DRC8: variants seen among roughly 807,000 people sequenced by gnomAD.
The protein encoded by DRC8 is dynein regulatory complex protein 8.
chr1:244,997,777 T>A, the DRC8 span, among the ~76,000 whole-genome samples: 3 of 152,154 alleles, frequency 2.0e-5, no homozygotes, highest in African/African-American at 7.2e-5. Context: ...CTTCTTGACC[T>A]CAGGTGATCC....
chr1:245,016,445 G>A, the DRC8 span, among the ~76,000 whole-genome samples: 1 of 152,064 alleles, frequency 6.6e-6, no homozygotes, highest in Admixed American at 6.6e-5. Context: ...ACAGAGGCAG[G>A]CCTCTCTAAG....
At chr1:245,009,612 C>T in the DRC8 span, among the ~76,000 whole-genome samples, 2 of 151,742 alleles carry the variant, frequency 1.3e-5, no homozygotes, top group Non-Finnish European at 2.9e-5. Flanking sequence ...GGACTACAGG[C>T]GCCCGCCATC....
chr1:245,069,687 C>T, the DRC8 span, among the ~76,000 whole-genome samples: 1 of 152,160 alleles, frequency 6.6e-6, no homozygotes, highest in African/African-American at 2.4e-5. Flanking sequence ...TGAAGACGTT[C>T]TAGAGAGCTG....
At chr1:244,977,691 A>T in the DRC8 span, among the ~76,000 whole-genome samples, 2 of 152,158 alleles carry the variant, frequency 1.3e-5, no homozygotes, top group Non-Finnish European at 2.9e-5. Flanking sequence ...ATAATAATAA[A>T]AAGTGATGTC....
chr1:245,081,236 A>G, the DRC8 span, among the ~76,000 whole-genome samples: 1 of 151,610 alleles, frequency 6.6e-6, no homozygotes, highest in African/African-American at 2.4e-5. Context: ...ATCTCGGCTC[A>G]CTGCAAGCTC....
At chr1:245,076,151 G>A in the DRC8 span, among the ~76,000 whole-genome samples, 2 of 152,216 alleles carry the variant, frequency 1.3e-5, no homozygotes, top group Non-Finnish European at 2.9e-5. Flanking sequence ...CGGGGAGGAT[G>A]TGCCTGAAAT....
the DRC8 span, among the ~76,000 whole-genome samples, chr1:244,992,344 C>T: frequency 6.6e-6 from 1 of 152,034 alleles, no homozygotes; most frequent in African/African-American, 2.4e-5. Flanking sequence ...ACCTTGAATT[C>T]TTTATTGAGA....
the DRC8 span, chr1:245,082,128 C>T: frequency 1.2e-5 from 19 of 1,612,832 alleles, 1 homozygote; most frequent in Non-Finnish European, 1.6e-5. Flanking sequence ...CGAAAAATTT[C>T]TTCCGGTGAT....
At chr1:245,039,199 C>T in the DRC8 span, among the ~76,000 whole-genome samples, 1 of 144,048 alleles carries the variant, frequency 6.9e-6, no homozygotes, top group Non-Finnish European at 1.5e-5. Flanking sequence ...GAAATACTAT[C>T]CAGTATTTTA....
the DRC8 span, among the ~76,000 whole-genome samples, chr1:245,006,761 C>T: frequency 1.3e-5 from 2 of 152,102 alleles, no homozygotes; most frequent in Non-Finnish European, 2.9e-5. Flanking sequence ...TGGCAAAAAC[C>T]TGTCTCTACT....
At chr1:245,089,695 T>C in the DRC8 span, among the ~76,000 whole-genome samples, 3 of 152,042 alleles carry the variant, frequency 2.0e-5, no homozygotes, top group African/African-American at 4.8e-5. This position sits in a 1 kb window ranked among gnomAD's most constrained non-coding sequence, Gnocchi z 4.8. Flanking sequence ...TGTGAGAAGG[T>C]TGCAGCCTGG....
chr1:245,073,501 A>T, the DRC8 span, among the ~76,000 whole-genome samples: 8 of 152,100 alleles, frequency 5.3e-5, no homozygotes, highest in African/African-American at 1.9e-4. Context: ...GAGGCTGAGG[A>T]TGGGGAGAGC....
the DRC8 span, among the ~76,000 whole-genome samples, chr1:244,991,783 T>G: frequency 6.6e-6 from 1 of 152,210 alleles, no homozygotes; most frequent in Admixed American, 6.5e-5. Flanking sequence ...TAAACAAATA[T>G]TCACAAGGAA....
the DRC8 span, among the ~76,000 whole-genome samples, chr1:245,076,950 C>T: frequency 6.6e-6 from 1 of 152,100 alleles, no homozygotes; most frequent in African/African-American, 2.4e-5. Context: ...TGGTCTCGAT[C>T]TCCTGACCTC....
At chr1:245,061,682 C>T in the DRC8 span, among the ~76,000 whole-genome samples, 3 of 152,092 alleles carry the variant, frequency 2.0e-5, no homozygotes, top group East Asian at 5.8e-4. Context: ...ATAGTGAATA[C>T]ATGTAAACAC....
At chr1:245,013,182 T>C in the DRC8 span, among the ~76,000 whole-genome samples, 1 of 152,274 alleles carries the variant, frequency 6.6e-6, no homozygotes, top group Admixed American at 6.5e-5. Context: ...AATCTATCTG[T>C]AAATTGTTGA....
the DRC8 span, among the ~76,000 whole-genome samples, chr1:245,057,111 G>A: frequency 6.6e-6 from 1 of 152,134 alleles, no homozygotes; most frequent in Non-Finnish European, 1.5e-5. Flanking sequence ...GGCCTCCTTT[G>A]AACAAGGTTT....
the DRC8 span, among the ~76,000 whole-genome samples, chr1:245,016,142 T>A: frequency 6.6e-6 from 1 of 151,912 alleles, no homozygotes; most frequent in South Asian, 2.1e-4. Context: ...CCACCATGCC[T>A]GGCTAATTTT....
At chr1:245,025,724 G>T in the DRC8 span, among the ~76,000 whole-genome samples, 2 of 152,088 alleles carry the variant, frequency 1.3e-5, no homozygotes, top group African/African-American at 2.4e-5. Flanking sequence ...TTGAATTGTC[G>T]CTGCCATTAT....
Sources: gnomAD v4.1 joint callset for allele counts (sites outside exome capture counted in the v4.1 genomes callset) on GRCh38, gnomAD v4.1.1 for gene constraint, Gnocchi (gnomAD v3.1) non-coding constraint, MANE v1.5 for transcripts, NCBI Gene and HGNC (gene_info 2026-07-23, HGNC 2026-07-21) for gene names.